The following DNA2 variants were observed in gnomAD, a reference collection of about 807,000 sequenced individuals.
DNA2 encodes the protein DNA replication helicase/nuclease 2, also known as DNA replication ATP-dependent helicase/nuclease DNA2.
A neutral mutation model predicts 119.1 loss-of-function variants in DNA2; 101 were observed. That is an observed-to-expected ratio of 0.85 (90% CI 0.72 to 1.00). The LOEUF is 1.00. Ranked by LOEUF, DNA2 falls within the 50% of genes least tolerant of loss-of-function variation. DNA2 has a pLI of 0.00. For missense variants in DNA2, 1,121 were observed against 1,255.5 expected (o/e 0.89, Z 1.62); for synonymous variants, 366 against 424.4 (o/e 0.86, Z 1.69).
intron 9 of DNA2, among the ~76,000 whole-genome samples, chr10:68,439,657 G>C (rs920754043): frequency 1.3e-5 from 2 of 151,738 alleles, no homozygotes; most frequent in Non-Finnish European, 2.9e-5. Context: ...GACCAACATG[G>C]AGAAACCCCG....
intron 5 of DNA2, among the ~76,000 whole-genome samples, chr10:68,457,369 G>A (rs1223439600): frequency 6.6e-6 from 1 of 152,140 alleles, no homozygotes; most frequent in African/African-American, 2.4e-5. Context: ...TCCTCCTACA[G>A]ACAGCTGTAC....
chr10:68,443,201 A>G, intron 8 of DNA2, 90 bp from the exon 9 acceptor site: 5 of 1,089,806 alleles, frequency 4.6e-6, no homozygotes, highest in East Asian at 2.6e-5. Context: ...GAACACATAT[A>G]TGATCATCAT....
At chr10:68,439,838 C>CAAAAA (rs371354812) in intron 9 of DNA2, among the ~76,000 whole-genome samples, 1 of 122,734 alleles carries the variant, frequency 8.1e-6, no homozygotes, top group Admixed American at 8.3e-5. Context: ...AATTCTGTCT[C>CAAAAA]AAAAAAAAAA....
At chr10:68,424,503 CAAAAAA>C (rs60968180) in intron 14 of DNA2, 2 of 474,186 alleles carry the variant, frequency 4.2e-6, no homozygotes, top group African/African-American at 2.4e-5. Flanking sequence ...GTCACTGTCT[CAAAAAA>C]AAAAAAAAAA....
At chr10:68,439,268 C>T (rs1214104351) in intron 9 of DNA2, among the ~76,000 whole-genome samples, 1 of 151,332 alleles carries the variant, frequency 6.6e-6, no homozygotes, top group East Asian at 2.0e-4. Context: ...GTGGTGCATG[C>T]CTGTAATCCC....
chr10:68,419,933 T>G, intron 17 of DNA2, 41 bp from the exon 18 acceptor site: 2 of 1,526,790 alleles, frequency 1.3e-6, no homozygotes, highest in Non-Finnish European at 1.8e-6. Flanking sequence ...ATACAATCTC[T>G]AAAGAGTACT....
intron 10 of DNA2, among the ~76,000 whole-genome samples, chr10:68,434,064 C>T (rs2051855776): frequency 6.6e-6 from 1 of 152,042 alleles, no homozygotes; most frequent in Admixed American, 6.6e-5. Context: ...CACTTGAGAT[C>T]GGGAATTTGG....
intron 14 of DNA2, among the ~76,000 whole-genome samples, chr10:68,424,096 C>T (rs11814736): frequency 0.26 from 39,481 of 152,022 alleles, 7,120 homozygotes; most frequent in African/African-American, 0.51. Flanking sequence ...AAAGCAGCCA[C>T]GGTAACAACA....
intron 4 of DNA2, among the ~76,000 whole-genome samples, chr10:68,460,552 C>T (rs187244769): frequency 1.3e-4 from 20 of 151,732 alleles, no homozygotes; most frequent in Admixed American, 4.0e-4. Flanking sequence ...GAACCATAGA[C>T]ATATGACACC....
intron 5 of DNA2, among the ~76,000 whole-genome samples, chr10:68,454,191 C>A (rs2052155336): frequency 6.6e-6 from 1 of 152,110 alleles, no homozygotes; most frequent in Admixed American, 6.6e-5. Context: ...TTTTCATCTA[C>A]CACCAATACA....
At position 68,444,933 on chromosome 10, in the gene DNA2, G is replaced by A. The variant is rs367949316; in HGVS notation, c.1208C>T (p.Ala403Val). 6 of 1,612,876 alleles carry A rather than the reference G, an allele frequency of 3.7e-6. No homozygotes were observed. Among genetic ancestry groups the A allele is most frequent in the African/African-American group, 1.3e-5 (1 of 74,868 alleles). ...AGACAATATTTACCTGCTATAAAGA[G>A]CACAATTGCCAATTTGTGAACAATA... ...CKYCSQIGNC[A>V]LYSRAVEQQM... The change falls in exon 8 of 21, where the codon GCT (alanine) becomes GTT (valine). Residue 403 changes from alanine to valine, a missense_variant. By Grantham distance (64) the Ala-to-Val change is moderately conservative. Transcript: ENST00000358410.
chr10:68,459,175 C>T lies in DNA2; in HGVS notation c.648G>A (p.Ser216=), dbSNP rs751832597. Residue 216 remains serine (S), a synonymous_variant, in exon 5 of 21, where the codon TCG becomes TCA. Coordinates refer to ENST00000358410, the MANE Select transcript of DNA2 (RefSeq NM_001080449.3). ...IKQEVEDYLP[S]FCKWAGDFMH... ...TGAAATCTCCTGCCCATTTACAAAACGAAGGAAGATAGTCCTCTACTTCTT... is the reference window on the plus strand; with the variant it reads ...TGAAATCTCCTGCCCATTTACAAAATGAAGGAAGATAGTCCTCTACTTCTT... The T allele has an allele frequency of 1.1e-5, 17 of 1,583,854 alleles. No homozygotes were observed. The highest frequency in any genetic ancestry group is 2.3e-5 in the South Asian group (2 of 86,742).
At chr10:68,445,660 G>A (rs2052029205) in intron 7 of DNA2, among the ~76,000 whole-genome samples, 1 of 151,690 alleles carries the variant, frequency 6.6e-6, no homozygotes, top group African/African-American at 2.4e-5. Flanking sequence ...TATATATTTC[G>A]TAACTAGTAA....
chr10:68,457,691 GA>G (rs1352857330), intron 5 of DNA2, among the ~76,000 whole-genome samples: 1 of 106,926 alleles, frequency 9.4e-6, no homozygotes, highest in South Asian at 2.8e-4. Flanking sequence ...ATGAATAACA[GA>G]AAAAAACATA....
Position 68,415,104 on chromosome 10 carries a change from T to C in DNA2, c.3118A>G (p.Ile1040Val). 6.4e-7 allele frequency: 1 copy of C among 1,553,360 alleles called. No individual in the cohort carries two copies. ...TCATGTTCTCTTGATGGAAGATCAA[T>C]GATGTAAAATAAATTAAGGAAGAAA... ...LNHLNSEKLI[I>V]DLPSREHESL... The change falls in exon 21 of 21, where the codon ATT becomes GTT. Residue 1040 changes from isoleucine (I) to valine (V), a missense_variant. By Grantham distance (29) the Ile-to-Val change is conservative. Coordinates refer to ENST00000358410, the MANE Select transcript of DNA2 (RefSeq NM_001080449.3).
intron 2 of DNA2, among the ~76,000 whole-genome samples, chr10:68,469,310 C>CCGAGGTGGG (rs2052359966): frequency 6.6e-6 from 1 of 150,768 alleles, no homozygotes; most frequent in Non-Finnish European, 1.5e-5. Flanking sequence ...CTTTGGGAGG[C>CCGAGGTGGG]CGAGGTGGGC....
chr10:68,444,507 C>T (rs2052011329), intron 8 of DNA2, among the ~76,000 whole-genome samples: 1 of 151,904 alleles, frequency 6.6e-6, no homozygotes, highest in Non-Finnish European at 1.5e-5. Context: ...GTCAGATCAC[C>T]TGAGTTCGGG....
intron 1 of DNA2, chr10:68,470,593 G>A (rs1191537570): frequency 2.2e-6 from 1 of 453,424 alleles, no homozygotes; most frequent in African/African-American, 2.0e-5. Context: ...CTTCCTGAGC[G>A]ACAGAAAAAG....
intron 12 of DNA2, 93 bp downstream of exon 12, chr10:68,432,113 T>C: frequency 5.4e-6 from 6 of 1,117,950 alleles, no homozygotes; most frequent in Non-Finnish European, 6.5e-6. Flanking sequence ...CTAAACATTG[T>C]AGTTGCAAGT....
Sources: allele counts gnomAD v4.1 joint callset (sites outside exome capture counted in the v4.1 genomes callset), GRCh38; gene constraint gnomAD v4.1.1; transcripts MANE v1.5; gene names NCBI Gene and HGNC (gene_info 2026-07-23, HGNC 2026-07-21).